CNTRL: variants seen among roughly 807,000 people sequenced by gnomAD.
CNTRL encodes centriolin, also known as 110 kDa centrosomal protein.
In CNTRL, 233 loss-of-function variants were observed where a neutral mutation model predicts 303.7. The ratio of observed to expected loss-of-function variants is 0.77; its 90% CI spans 0.69 to 0.86. The LOEUF (loss-of-function observed/expected upper bound fraction) is 0.86. CNTRL is among the 40% of genes least tolerant of loss of function. The pLI, the probability that CNTRL is intolerant of heterozygous loss-of-function variation, is 0.00. For missense variants in CNTRL, 2,524 were observed against 2,650.6 expected (o/e 0.95, Z 1.05); for synonymous variants, 900 against 922.2 (o/e 0.98, Z 0.44).
intron 32 of CNTRL, among the ~76,000 whole-genome samples, chr9:121,160,653 G>A (rs1192266259): frequency 6.6e-6 from 1 of 152,136 alleles, no homozygotes; most frequent in East Asian, 1.9e-4. Context: ...GAAAGGGCAA[G>A]TATGTACATC....
chr9:121,136,109 A>G, intron 15 of CNTRL, 127 bp downstream of exon 15: 1 of 864,274 alleles, frequency 1.2e-6, no homozygotes, highest in South Asian at 2.1e-5. Context: ...GTGATGGGAA[A>G]GGCAGAATTT....
At chr9:121,143,350 G>C (rs545901899) in intron 19 of CNTRL, among the ~76,000 whole-genome samples, 3 of 152,312 alleles carry the variant, frequency 2.0e-5, no homozygotes, top group Admixed American at 6.5e-5. Context: ...TACTGTGGCT[G>C]TCTGATCGAT....
intron 1 of CNTRL, 103 bp downstream of exon 1, chr9:121,075,170 G>A (rs2047863958): frequency 5.8e-6 from 2 of 343,590 alleles, no homozygotes; most frequent in Non-Finnish European, 1.1e-5. Flanking sequence ...GTGTGGGCCG[G>A]CTTGGGATGG....
In CNTRL at chr9:121,157,794, A is replaced by T. The variant is rs747075634; in HGVS notation, c.4551A>T (p.Glu1517Asp). The T allele has an allele frequency of 6.2e-7, 1 of 1,614,128 alleles. No homozygotes were observed. The highest frequency in any genetic ancestry group is 8.5e-7 in the Non-Finnish European group (1 of 1,180,044). The stretch of plus-strand genomic sequence containing the variant: ...AGCAGCACAAAATCAAGCAAGAAGA[A>T]ATCTTGAAAGAAATAAACAAAATTG... ...DLEQHKIKQE[E>D]ILKEINKIVA... The change falls in exon 29 of 44, where the codon GAA (glutamate) becomes GAT (aspartate). Residue 1517 changes from glutamate to aspartate, a missense_variant. Physicochemically the swap from Glu to Asp is conservative, Grantham distance 45. Coordinates refer to ENST00000373855, the MANE Select transcript of CNTRL (RefSeq NM_007018.6).
At chr9:121,160,845 G>A (rs1335879737) in intron 32 of CNTRL, among the ~76,000 whole-genome samples, 1 of 152,106 alleles carries the variant, frequency 6.6e-6, no homozygotes, top group East Asian at 1.9e-4. Context: ...GATGCACATT[G>A]ATGTGCACCT....
intron 35 of CNTRL, 85 bp downstream of exon 35, chr9:121,165,185 G>A: frequency 7.7e-7 from 1 of 1,291,490 alleles, no homozygotes; most frequent in Non-Finnish European, 1.1e-6. Flanking sequence ...AGTAATTCCT[G>A]CTAATGAGCA....
chr9:121,105,191 C>T (rs563724898), intron 7 of CNTRL, among the ~76,000 whole-genome samples: 1 of 152,190 alleles, frequency 6.6e-6, no homozygotes, highest in Admixed American at 6.5e-5. Flanking sequence ...CAGAGTCAGC[C>T]CTGGTTAACA....
intron 2 of CNTRL, among the ~76,000 whole-genome samples, chr9:121,085,168 A>G (rs2048298369): frequency 6.6e-6 from 1 of 152,196 alleles, no homozygotes; most frequent in African/African-American, 2.4e-5. Context: ...AAGATATTTT[A>G]TGGTTTCATT....
At chr9:121,101,286 G>A (rs1462033894) in intron 7 of CNTRL, among the ~76,000 whole-genome samples, 1 of 152,198 alleles carries the variant, frequency 6.6e-6, no homozygotes, top group Non-Finnish European at 1.5e-5. Flanking sequence ...TGAACAACCT[G>A]CTCTTGAATG....
Position 121,098,374 on chromosome 9 carries a change from A to C in CNTRL, c.622-12A>C, listed in dbSNP as rs761172082. The C allele has an allele frequency of 1.3e-6, 2 of 1,557,988 alleles. No homozygotes were observed. Among genetic ancestry groups the C allele is most frequent in the Non-Finnish European group, 1.8e-6 (2 of 1,133,928 alleles). ...ATTAAATTATACCAATACTAATGTTATATCATTTCAGCTCCAAGATATAAG... is the reference window on the plus strand; with the variant it reads ...ATTAAATTATACCAATACTAATGTTCTATCATTTCAGCTCCAAGATATAAG... On this transcript the variant is annotated splice_polypyrimidine_tract_variant and intron_variant, in intron 6 of 43. Transcript: ENST00000373855.
chr9:121,150,973 A>AGTGTATACACATGTATGTGCAC (rs1325494975), intron 25 of CNTRL, among the ~76,000 whole-genome samples: 3 of 152,242 alleles, frequency 2.0e-5, no homozygotes, highest in African/African-American at 7.2e-5. Flanking sequence ...GTATAATATG[A>AGTGTATACACATGTATGTGCAC]GTGTATACAC....
At chr9:121,165,191 G>A in intron 35 of CNTRL, 91 bp downstream of exon 35, 12 of 1,254,208 alleles carry the variant, frequency 9.6e-6, no homozygotes, top group Non-Finnish European at 1.3e-5. Flanking sequence ...TCCTGCTAAT[G>A]AGCATGGTGT....
At chr9:121,152,425 G>A in intron 25 of CNTRL, 60 bp from the exon 26 acceptor site, 1 of 1,388,092 alleles carries the variant, frequency 7.2e-7, no homozygotes, top group South Asian at 1.2e-5. Flanking sequence ...CTTTTGGCAG[G>A]AAAGAGAGGA....
intron 41 of CNTRL, 31 bp downstream of exon 41, chr9:121,173,540 C>G (rs116903878): frequency 1.2e-6 from 2 of 1,610,314 alleles, no homozygotes; most frequent in Non-Finnish European, 1.7e-6. Flanking sequence ...TCTCTGGGTT[C>G]GTAGGATTGA....
At chr9:121,109,831 A>G (rs980961283) in intron 8 of CNTRL, among the ~76,000 whole-genome samples, 1 of 152,114 alleles carries the variant, frequency 6.6e-6, no homozygotes, top group Non-Finnish European at 1.5e-5. Flanking sequence ...TTGAATTTTT[A>G]TAGTTGTTGG....
At chr9:121,091,431 G>T (rs1564193214) in intron 4 of CNTRL, among the ~76,000 whole-genome samples, 1 of 152,256 alleles carries the variant, frequency 6.6e-6, no homozygotes, top group East Asian at 1.9e-4. Flanking sequence ...TCTTAGAGTG[G>T]TGAAGGTCCC....
chr9:121,163,395 A>AAATAT (rs2052946842), intron 34 of CNTRL, among the ~76,000 whole-genome samples: 1 of 150,750 alleles, frequency 6.6e-6, no homozygotes, highest in African/African-American at 2.4e-5. Flanking sequence ...TGTAAAACCT[A>AAATAT]AATATAAAAC....
chr9:121,161,715 A>G, intron 32 of CNTRL, 141 bp from the exon 33 acceptor site: 2 of 578,512 alleles, frequency 3.5e-6, no homozygotes, highest in East Asian at 3.0e-5. Context: ...TATTAAAAAT[A>G]AAATTAGCAC....
intron 19 of CNTRL, 135 bp downstream of exon 19, chr9:121,142,405 C>T (rs2051569272): frequency 3.2e-6 from 2 of 621,212 alleles, no homozygotes; most frequent in Non-Finnish European, 5.1e-6. Flanking sequence ...TGAACCTGAC[C>T]TAGGTGGGAC....
Sources: gnomAD v4.1 joint callset for allele counts (sites outside exome capture counted in the v4.1 genomes callset) on GRCh38, gnomAD v4.1.1 for gene constraint, MANE v1.5 for transcripts, NCBI Gene and HGNC (gene_info 2026-07-23, HGNC 2026-07-21) for gene names.